Variants in SDK2 observed in about 807,000 individuals in gnomAD.
SDK2 encodes protein sidekick-2.
SDK2 carries 105 observed loss-of-function variants against 253.9 expected under a neutral mutation model. The observed-to-expected ratio is 0.41, with a 90% CI of 0.35 to 0.49. SDK2 has a LOEUF of 0.49. SDK2 is among the 20% of genes least tolerant of loss of function. SDK2 has a pLI of 0.06. For synonymous variants in SDK2, 1,249 were observed against 1,234.9 expected (o/e 1.01, Z -0.24); for missense variants, 2,608 against 3,003.0 (o/e 0.87, Z 3.07).
intron 1 of SDK2, among the ~76,000 whole-genome samples, chr17:73,595,615 C>T (rs1255731164): frequency 6.6e-6 from 1 of 152,180 alleles, no homozygotes; most frequent in East Asian, 1.9e-4. Flanking sequence ...AGCCTGGGGC[C>T]CAGGCCAGGC....
At chr17:73,439,815 G>A (rs2063399815) in intron 6 of SDK2, among the ~76,000 whole-genome samples, 1 of 152,208 alleles carries the variant, frequency 6.6e-6, no homozygotes, top group Non-Finnish European at 1.5e-5. Flanking sequence ...TGGGGGAGAG[G>A]GGGCAGTGCA....
At chr17:73,385,099 C>G (rs1468374578) in intron 32 of SDK2, among the ~76,000 whole-genome samples, 3 of 152,158 alleles carry the variant, frequency 2.0e-5, no homozygotes, top group South Asian at 2.1e-4. Flanking sequence ...GGAGTGCCTG[C>G]CCCTTTGATC....
intron 4 of SDK2, among the ~76,000 whole-genome samples, chr17:73,450,777 G>A (rs187076880): frequency 3.9e-5 from 6 of 152,308 alleles, no homozygotes; most frequent in East Asian, 3.9e-4. Flanking sequence ...CTCGGGGAGC[G>A]CCACTAACAA....
chr17:73,630,187 C>T (rs2046250663), intron 1 of SDK2, among the ~76,000 whole-genome samples: 1 of 152,104 alleles, frequency 6.6e-6, no homozygotes, highest in Non-Finnish European at 1.5e-5. Context: ...CAGGCCTTCT[C>T]AAAGTGGGCT....
chr17:73,398,125 C>T lies in SDK2; in HGVS notation c.3264G>A (p.Lys1088=). 1 of 1,613,832 alleles carries T rather than the reference C, an allele frequency of 6.2e-7. No individual in the cohort carries two copies. Among genetic ancestry groups the T allele is most frequent in the South Asian group, 1.1e-5 (1 of 91,076 alleles). The change falls in exon 24 of 45, where the codon AAG becomes AAA. Residue 1088 remains lysine, a synonymous_variant. Transcript: ENST00000392650. ...GTSPPSQPSR[K]IQTLQAPPDM... The stretch of plus-strand genomic sequence containing the variant: ...CAGGGGGTGCCTGCAGGGTCTGGAT[C>T]TTTCTAGAAGGCTGACTGGGGGGGC...
chr17:73,595,884 C>T (rs1187907277), intron 1 of SDK2, among the ~76,000 whole-genome samples: 1 of 152,110 alleles, frequency 6.6e-6, no homozygotes, highest in Non-Finnish European at 1.5e-5. Context: ...GTGGGGCTCC[C>T]TGCTGCCTAG....
intron 1 of SDK2, among the ~76,000 whole-genome samples, chr17:73,582,000 C>T (rs894129049): frequency 6.6e-6 from 1 of 152,206 alleles, no homozygotes; most frequent in African/African-American, 2.4e-5. Flanking sequence ...CAGGGTGAGA[C>T]TTGGGACTGG....
At chr17:73,547,387 T>C (rs967799243) in intron 1 of SDK2, among the ~76,000 whole-genome samples, 19 of 152,252 alleles carry the variant, frequency 1.2e-4, no homozygotes, top group Admixed American at 1.2e-3. Flanking sequence ...ACGGAGGCTT[T>C]GGGCTTGGAT....
chr17:73,393,242 C>CA (rs11443969), intron 27 of SDK2, among the ~76,000 whole-genome samples: 59,570 of 85,360 alleles, frequency 0.7, 21,996 homozygotes, highest in South Asian at 0.85. Flanking sequence ...GATACTCTAT[C>CA]AAAAAAAAAA....
chr17:73,498,040 C>G (rs1394220409), intron 2 of SDK2, among the ~76,000 whole-genome samples: 1 of 152,172 alleles, frequency 6.6e-6, no homozygotes, highest in East Asian at 1.9e-4. Flanking sequence ...ACCTTACTTT[C>G]CCTTGAAAGC....
intron 1 of SDK2, among the ~76,000 whole-genome samples, chr17:73,611,483 C>T (rs1599724820): frequency 6.6e-6 from 1 of 152,232 alleles, no homozygotes; most frequent in African/African-American, 2.4e-5. Context: ...CGCCCAAGTC[C>T]CCCTGGGAGA....
At chr17:73,403,207 G>A (rs1423355828) in intron 18 of SDK2, among the ~76,000 whole-genome samples, 1 of 152,232 alleles carries the variant, frequency 6.6e-6, no homozygotes, top group African/African-American at 2.4e-5. Context: ...CTTGCCCCAT[G>A]TGAGCTGGGG....
intron 1 of SDK2, among the ~76,000 whole-genome samples, chr17:73,533,022 T>C (rs149119139): frequency 1.4e-4 from 21 of 152,348 alleles, no homozygotes; most frequent in African/African-American, 5.1e-4. Flanking sequence ...TCTTTCTCTC[T>C]CTTCCTCTCC....
At position 73,368,326 on chromosome 17, in the gene SDK2, A is replaced by G. The variant is rs2062703288; in HGVS notation, c.5167+81T>C. On this transcript the variant is annotated intron_variant, in intron 37 of 44. Transcript: ENST00000392650. ...AAGGCAGCTGCCCCCATGCCTGCCA[A>G]GAGCCCGGATGCCAGGTAGGTCCTC... 6 of 1,279,658 alleles carry G rather than the reference A, an allele frequency of 4.7e-6. No individual in the cohort carries two copies. In the South Asian group the frequency reaches 1.1e-4, roughly 23 times the overall value. The allele number at this position is 1,279,658 out of a possible 1,614,324, so 79.3% of individuals were successfully genotyped here. A position where few individuals can be genotyped will look rare whatever the true frequency, so the allele number is the denominator to read the frequency against.
intron 2 of SDK2, among the ~76,000 whole-genome samples, chr17:73,477,920 G>C (rs2063697316): frequency 6.6e-6 from 1 of 152,166 alleles, no homozygotes; most frequent in South Asian, 2.1e-4. Context: ...TGGCCTCTGG[G>C]AGCCAGCACA....
intron 1 of SDK2, among the ~76,000 whole-genome samples, chr17:73,567,433 A>AGT (rs56931732): frequency 0.2 from 30,541 of 152,290 alleles, 3,803 homozygotes; most frequent in African/African-American, 0.35. Context: ...CTGCTAGGGC[A>AGT]GTGTCAAGCA....
Position 73,395,291 on chromosome 17 carries a change from C to A in SDK2, c.3456G>T (p.Val1152=). The change falls in exon 25 of 45, where the codon GTG becomes GTT. Residue 1152 remains valine (V), a synonymous_variant. Transcript: ENST00000392650. The surrounding 1 kb of genome is among the most constrained non-coding windows in gnomAD (Gnocchi z 4.3). The part of the protein sequence containing the change: ...DGHGKTLSHV[V]QDRVERDYTI... ...TGTAGTCCCGCTCCACACGGTCCTGCACCACGTGGCTCAGCGTCTTGCCAT... is the reference window on the plus strand; with the variant it reads ...TGTAGTCCCGCTCCACACGGTCCTGAACCACGTGGCTCAGCGTCTTGCCAT... 6.2e-7 allele frequency: 1 copy of A among 1,613,994 alleles called. No homozygotes were observed. Among genetic ancestry groups the A allele is most frequent in the Non-Finnish European group, 8.5e-7 (1 of 1,179,888 alleles).
chr17:73,506,009 C>T (rs1313377499), intron 2 of SDK2, among the ~76,000 whole-genome samples: 2 of 152,240 alleles, frequency 1.3e-5, no homozygotes, highest in South Asian at 4.1e-4. Flanking sequence ...AGATAAGGAA[C>T]CAACTCTCCT....
Position 73,352,467 on chromosome 17 carries a change from C to G in SDK2, c.5758+6G>C, listed in dbSNP as rs757337230. 1 of 1,609,978 alleles carries G rather than the reference C, an allele frequency of 6.2e-7. No individual in the cohort carries two copies. Among genetic ancestry groups the G allele is most frequent in the South Asian group, 1.1e-5 (1 of 90,312 alleles). On this transcript the variant is annotated splice_donor_region_variant and intron_variant, in intron 41 of 44. Coordinates refer to ENST00000392650, the MANE Select transcript of SDK2 (RefSeq NM_001144952.2). This position sits in a 1 kb window ranked among gnomAD's most constrained non-coding sequence, Gnocchi z 4.1. ...TCCCCCACTCCCTCAGCCCCCAGGC[C>G]GGTACCTGGCACAGACTGGGAGGGG...
Sources: allele counts gnomAD v4.1 joint callset (sites outside exome capture counted in the v4.1 genomes callset), GRCh38; gene constraint gnomAD v4.1.1; non-coding constraint Gnocchi (gnomAD v3.1); transcripts MANE v1.5; gene names NCBI Gene and HGNC (gene_info 2026-07-23, HGNC 2026-07-21).